The following UGT1A10 variants were observed in gnomAD, a reference collection of about 807,000 sequenced individuals.
UGT1A10 encodes UDP glucuronosyltransferase family 1 member A10.
Under a neutral mutation model 45.8 loss-of-function variants are expected in UGT1A10, and 49 were observed. The ratio of observed to expected loss-of-function variants is 1.07; its 90% CI spans 0.85 to 1.36. UGT1A10 has a LOEUF of 1.36. Ranked by LOEUF, UGT1A10 falls within the 40% of genes most tolerant of loss-of-function variation. The pLI, the probability that UGT1A10 is intolerant of heterozygous loss-of-function variation, is 0.00. For missense variants in UGT1A10, 745 were observed against 668.6 expected (o/e 1.11, Z -1.26); for synonymous variants, 284 against 249.7 (o/e 1.14, Z -1.29).
chr2:233,649,815 GA>G (rs2073695303), intron 1 of UGT1A10, among the ~76,000 whole-genome samples: 2 of 152,140 alleles, frequency 1.3e-5, no homozygotes, highest in Non-Finnish European at 2.9e-5. Flanking sequence ...CTGTTACCAT[GA>G]TGTTTGGTCT....
intron 1 of UGT1A10, among the ~76,000 whole-genome samples, chr2:233,731,282 T>C (rs1433914166): frequency 1.4e-5 from 2 of 144,984 alleles, no homozygotes; most frequent in African/African-American, 2.6e-5. Context: ...CAGTTTTTCT[T>C]TCTTTTTTTT....
At chr2:233,671,801 T>C in intron 1 of UGT1A10, 2 of 1,380,146 alleles carry the variant, frequency 1.4e-6, no homozygotes, top group Non-Finnish European at 1.9e-6. Context: ...TCATTGTCAG[T>C]GACTGATTTT....
intron 1 of UGT1A10, among the ~76,000 whole-genome samples, chr2:233,731,055 A>C (rs1216603492): frequency 1.3e-5 from 2 of 152,192 alleles, no homozygotes; most frequent in East Asian, 1.9e-4. Flanking sequence ...AATGTGTATG[A>C]ACTTCCATGA....
At chr2:233,682,202 G>A in intron 1 of UGT1A10, 2 of 1,614,244 alleles carry the variant, frequency 1.2e-6, no homozygotes, top group Non-Finnish European at 1.7e-6. Context: ...TCAGGACCGG[G>A]AGTTCATGGT....
chr2:233,672,249 A>G, intron 1 of UGT1A10: 1 of 1,614,208 alleles, frequency 6.2e-7, no homozygotes, highest in Non-Finnish European at 8.5e-7. Context: ...TACGAAGTAT[A>G]TATTCTCTAT....
At chr2:233,713,149 C>T (rs777655753) in intron 1 of UGT1A10, 6 of 1,614,056 alleles carry the variant, frequency 3.7e-6, no homozygotes, top group Admixed American at 3.3e-5. Flanking sequence ...GACCTCCATG[C>T]GAGAGGCCAC....
At chr2:233,703,677 A>AT (rs1271383463) in intron 1 of UGT1A10, among the ~76,000 whole-genome samples, 3 of 151,838 alleles carry the variant, frequency 2.0e-5, no homozygotes, top group Non-Finnish European at 4.4e-5. Flanking sequence ...TTCATGATAT[A>AT]TTTTTTTTCC....
At chr2:233,748,049 C>CAA (rs1416676194) in intron 1 of UGT1A10, 1 of 1,613,268 alleles carries the variant, frequency 6.2e-7, no homozygotes, top group African/African-American at 1.3e-5. Flanking sequence ...TTGGGGGCAT[C>CAA]AACTGTGCCA....
intron 1 of UGT1A10, 104 bp downstream of exon 1, chr2:233,637,481 A>G: frequency 6.7e-7 from 1 of 1,498,742 alleles, no homozygotes; most frequent in Non-Finnish European, 8.9e-7. Context: ...GTTGCATTTC[A>G]AATTTCTTTC....
At chr2:233,735,135 T>C (rs1287914959) in intron 1 of UGT1A10, among the ~76,000 whole-genome samples, 4 of 152,188 alleles carry the variant, frequency 2.6e-5, no homozygotes, top group Non-Finnish European at 4.4e-5. Flanking sequence ...CTCATTATTA[T>C]TGTGTGGGAG....
chr2:233,661,788 G>C (rs376558452), intron 1 of UGT1A10, among the ~76,000 whole-genome samples: 5 of 148,906 alleles, frequency 3.4e-5, no homozygotes, highest in African/African-American at 1.2e-4. Flanking sequence ...AACTTTTCTT[G>C]TAATATCATG....
intron 1 of UGT1A10, among the ~76,000 whole-genome samples, chr2:233,710,022 G>A (rs190818817): frequency 8.5e-5 from 13 of 152,274 alleles, no homozygotes; most frequent in Admixed American, 1.3e-4. Context: ...AAACACACAG[G>A]TATACTGTTT....
chr2:233,726,601 T>G (rs1416735332), intron 1 of UGT1A10, among the ~76,000 whole-genome samples: 18 of 152,204 alleles, frequency 1.2e-4, no homozygotes, highest in African/African-American at 4.3e-4. Context: ...CCCTTGTGAT[T>G]ACACTGTCCT....
intron 1 of UGT1A10, chr2:233,647,847 G>A (rs2073642201): frequency 8.1e-7 from 1 of 1,228,044 alleles, no homozygotes; most frequent in Non-Finnish European, 1.1e-6. Flanking sequence ...GGTGTCATTG[G>A]TTTTCTCCAT....
intron 1 of UGT1A10, among the ~76,000 whole-genome samples, chr2:233,643,460 C>G (rs2073512969): frequency 1.3e-5 from 2 of 152,068 alleles, no homozygotes; most frequent in Admixed American, 6.5e-5. Flanking sequence ...GGGCTCCCCT[C>G]TATCCCAGGG....
chr2:233,737,300 G>T (rs1006795480), intron 1 of UGT1A10, among the ~76,000 whole-genome samples: 5 of 152,240 alleles, frequency 3.3e-5, no homozygotes, highest in Admixed American at 2.0e-4. Context: ...CCGCCTCACA[G>T]TTCAATCTCA....
At chr2:233,717,440 C>T (rs1261238198) in intron 1 of UGT1A10, among the ~76,000 whole-genome samples, 1 of 152,238 alleles carries the variant, frequency 6.6e-6, no homozygotes, top group Non-Finnish European at 1.5e-5. Flanking sequence ...CTGATGGACG[C>T]ATCCATTCAC....
intron 1 of UGT1A10, among the ~76,000 whole-genome samples, chr2:233,665,897 C>T (rs2074067551): frequency 6.6e-6 from 1 of 152,178 alleles, no homozygotes; most frequent in Admixed American, 6.5e-5. Flanking sequence ...GGTGCCCTCC[C>T]ACCACCTGCA....
In UGT1A10 at chr2:233,767,884, T is replaced by A. The variant is rs149750520; in HGVS notation, c.1023T>A (p.Asn341Lys). The A allele has an allele frequency of 1.2e-6, 2 of 1,614,080 alleles. No individual in the cohort carries two copies. Among genetic ancestry groups the A allele is most frequent in the African/African-American group, 2.7e-5 (2 of 74,910 alleles). The change falls in exon 3 of 5, where the codon AAT (asparagine) becomes AAA (lysine). Residue 341 changes from asparagine to lysine, a missense_variant. Transcript: ENST00000344644. ...LWRYTGTRPSNLANNTILVKW... is the reference protein window; with the variant it reads ...LWRYTGTRPSKLANNTILVKW... ...GGTACACTGGAACCCGACCATCGAATCTTGCGAACAACACGATACTTGTTA... is the reference window on the plus strand; with the variant it reads ...GGTACACTGGAACCCGACCATCGAAACTTGCGAACAACACGATACTTGTTA...
Sources: gnomAD v4.1 joint callset for allele counts (sites outside exome capture counted in the v4.1 genomes callset) on GRCh38, gnomAD v4.1.1 for gene constraint, MANE v1.5 for transcripts, NCBI Gene and HGNC (gene_info 2026-07-23, HGNC 2026-07-21) for gene names.